The following SMARCA2 variants were observed in gnomAD, a reference collection of about 807,000 sequenced individuals.
The protein encoded by SMARCA2 is SWI/SNF-related matrix-associated actin-dependent regulator of chromatin subfamily A member 2.
SMARCA2 carries 61 observed loss-of-function variants against 199.8 expected under a neutral mutation model. The observed-to-expected ratio is 0.31, with a 90% CI of 0.25 to 0.38. The LOEUF (loss-of-function observed/expected upper bound fraction) is 0.38. SMARCA2 is among the 10% of genes least tolerant of loss of function. The pLI, the probability that SMARCA2 is intolerant of heterozygous loss-of-function variation, is 1.00. For missense variants in SMARCA2, 1,344 were observed against 2,012.2 expected, an observed-to-expected ratio of 0.67 and a Z score of 6.35; for synonymous variants, 935 against 732.0, an observed-to-expected ratio of 1.28 and a Z score of -4.48.
chr9:2,170,624 C>T lies in SMARCA2; in HGVS notation c.4253+152C>T. Reference sequence around the variant, plus strand: ...GGAGAGCGGGATAGAGGCACAGATACTCTTAAACAGCTGTCATGGCTTCTG... The same window carrying T: ...GGAGAGCGGGATAGAGGCACAGATATTCTTAAACAGCTGTCATGGCTTCTG... On this transcript the variant is annotated intron_variant, in intron 29 of 33. Coordinates refer to ENST00000349721, the MANE Select transcript of SMARCA2 (RefSeq NM_003070.5). This position sits in a 1 kb window ranked among gnomAD's most constrained non-coding sequence, Gnocchi z 4.7. The T allele has an allele frequency of 7.9e-7, 1 of 1,272,062 alleles. No individual in the cohort carries two copies. Among genetic ancestry groups the T allele is most frequent in the Non-Finnish European group, 1.1e-6 (1 of 916,686 alleles). 78.8% of individuals were successfully genotyped at this position (1,272,062 alleles called of 1,614,324 possible). A position where few individuals can be genotyped will look rare whatever the true frequency, so the allele number is the denominator to read the frequency against.
At chr9:2,040,036 G>C in intron 4 of SMARCA2, 136 bp downstream of exon 4, 2 of 1,462,674 alleles carry the variant, frequency 1.4e-6, no homozygotes, top group Non-Finnish European at 1.8e-6. Flanking sequence ...CTCTATCCTT[G>C]CTCCACTTAG....
At chr9:2,179,819 G>A (rs753196467) in intron 29 of SMARCA2, among the ~76,000 whole-genome samples, 8 of 152,138 alleles carry the variant, frequency 5.3e-5, no homozygotes, top group Admixed American at 1.3e-4. Context: ...TGTTAAATCC[G>A]CGATTACAAA....
At chr9:2,081,796 A>C (rs1368678019) in intron 14 of SMARCA2, 36 bp from the exon 15 acceptor site, 3 of 1,601,876 alleles carry the variant, frequency 1.9e-6, no homozygotes, top group Non-Finnish European at 2.6e-6. Context: ...ACCTGTGCAG[A>C]TCTTGGATAA....
chr9:2,028,074 T>C (rs1392384056), intron 1 of SMARCA2, among the ~76,000 whole-genome samples: 1 of 152,224 alleles, frequency 6.6e-6, no homozygotes, highest in Non-Finnish European at 1.5e-5. Flanking sequence ...GCTGAAATTG[T>C]AGAACCAGAA....
In SMARCA2 at chr9:2,117,125, T is replaced by C. The variant is rs368379101; in HGVS notation, c.3684+1076T>C. 7.1e-4 allele frequency among the ~76,000 whole-genome samples: 108 copies of C among 152,266 alleles called. 1 individual carries two copies. The highest frequency in any genetic ancestry group is 2.3e-3 in the African/African-American group (95 of 41,548). ...AGTGGAGTACTGAATGTGCATCCCT[T>C]CTGCACCATTATAAAGTCGAAAAAT... On this transcript the variant is annotated intron_variant, in intron 25 of 33. Coordinates refer to ENST00000349721, the MANE Select transcript of SMARCA2 (RefSeq NM_003070.5).
chr9:2,073,052 T>G (rs1586674575), intron 10 of SMARCA2, 160 bp from the exon 11 acceptor site: 1 of 732,150 alleles, frequency 1.4e-6, no homozygotes, highest in East Asian at 2.9e-5. Context: ...TAGTGGGAGG[T>G]AGCCTCTCAC....
chr9:2,156,414 CTTTTTTTTTTTTTTTTTTTT>C (rs57161267), intron 27 of SMARCA2, among the ~76,000 whole-genome samples: 1 of 69,148 alleles, frequency 1.4e-5, no homozygotes, highest in Non-Finnish European at 2.5e-5. Flanking sequence ...CCATTTTAGA[CTTTTTTTTTTTTTTTTTTTT>C]TTTTTTTTTT....
At chr9:2,186,295 TG>T (rs1287881489) in intron 32 of SMARCA2, 67 bp downstream of exon 32, 1 of 1,510,436 alleles carries the variant, frequency 6.6e-7, no homozygotes, top group African/African-American at 1.4e-5. Context: ...TCTCCACAGA[TG>T]TTCACAGAAG....
intron 5 of SMARCA2, 27 bp from the exon 6 acceptor site, chr9:2,054,570 T>C (rs755434310): frequency 1.9e-6 from 3 of 1,596,300 alleles, no homozygotes; most frequent in African/African-American, 1.3e-5. Flanking sequence ...CCCTGCCCCC[T>C]TTTCCCCATT....
chr9:2,178,132 T>A (rs919244305), intron 29 of SMARCA2, among the ~76,000 whole-genome samples: 3 of 152,148 alleles, frequency 2.0e-5, no homozygotes, highest in African/African-American at 4.8e-5. Flanking sequence ...GGTATGTGGC[T>A]CTTTTCCATC....
Position 2,077,664 on chromosome 9 carries a change from T to A in SMARCA2, c.2072T>A (p.Met691Lys), listed in dbSNP as rs759070815. 1 of 1,614,156 alleles carries A rather than the reference T, an allele frequency of 6.2e-7. No individual in the cohort carries two copies. Among genetic ancestry groups the A allele is most frequent in the African/African-American group, 1.3e-5 (1 of 75,048 alleles). ...CAAGACGTGGATGATGAATACAGCA[T>A]GCAGTACAGTGCCAGGGGCTCCCAG... is the stretch of plus-strand genomic sequence containing the variant. ...AKQDVDDEYS[M>K]QYSARGSQSY... Residue 691 changes from methionine to lysine, a missense_variant, in exon 14 of 34, where the codon ATG (methionine) becomes AAG (lysine). Met to Lys is a moderately conservative substitution (Grantham distance 95). Around this residue, in one of 18 missense-constraint regions of SMARCA2, gnomAD observed 106 missense variants for 179.7 expected, o/e 0.59. Transcript: ENST00000349721.
At chr9:2,098,764 C>T (rs1001024069) in intron 21 of SMARCA2, among the ~76,000 whole-genome samples, 13 of 151,942 alleles carry the variant, frequency 8.6e-5, no homozygotes, top group Admixed American at 4.6e-4. Flanking sequence ...GGTGAAACCC[C>T]GTCTAAAACT....
At chr9:2,182,687 G>C (rs1033773232) in intron 31 of SMARCA2, among the ~76,000 whole-genome samples, 5 of 151,962 alleles carry the variant, frequency 3.3e-5, no homozygotes, top group African/African-American at 1.2e-4. Context: ...TACAGATGGA[G>C]TTTCACCATG....
intron 12 of SMARCA2, among the ~76,000 whole-genome samples, chr9:2,073,897 G>A (rs1170986638): frequency 6.6e-6 from 1 of 152,206 alleles, no homozygotes; most frequent in Admixed American, 6.5e-5. Context: ...TAACTTGGGA[G>A]ATGGTGAAGT....
At chr9:2,074,206 C>T (rs1433698526) in intron 12 of SMARCA2, among the ~76,000 whole-genome samples, 1 of 151,816 alleles carries the variant, frequency 6.6e-6, no homozygotes, top group Non-Finnish European at 1.5e-5. Context: ...ATAACTAGAA[C>T]CTAAAATGGG....
chr9:2,087,142 C>CATT (rs1406865438), intron 18 of SMARCA2, 71 bp downstream of exon 18: 2 of 1,571,970 alleles, frequency 1.3e-6, no homozygotes, highest in Non-Finnish European at 1.7e-6. Context: ...AAGCTGAGAA[C>CATT]ATTAGAGCCA....
intron 27 of SMARCA2, among the ~76,000 whole-genome samples, chr9:2,150,931 C>T (rs540128247): frequency 2.0e-5 from 3 of 151,616 alleles, no homozygotes; most frequent in Admixed American, 2.0e-4. Context: ...GTCATATAGG[C>T]CTAGGGCCAT....
intron 9 of SMARCA2, among the ~76,000 whole-genome samples, chr9:2,065,182 CT>C (rs1198926322): frequency 1.3e-5 from 2 of 151,566 alleles, no homozygotes; most frequent in African/African-American, 4.8e-5. Flanking sequence ...GAGACTCTGT[CT>C]CAAAAAAAAA....
chr9:2,159,852 G>C, intron 27 of SMARCA2: 1 of 1,609,506 alleles, frequency 6.2e-7, no homozygotes, highest in Admixed American at 1.7e-5. Context: ...TTGCTGGCTT[G>C]TTAATTTTAT....
Sources: allele counts gnomAD v4.1 joint callset (sites outside exome capture counted in the v4.1 genomes callset), GRCh38; gene constraint gnomAD v4.1.1; regional missense constraint gnomAD v4.1.1; non-coding constraint Gnocchi (gnomAD v3.1); transcripts MANE v1.5; gene names NCBI Gene and HGNC (gene_info 2026-07-23, HGNC 2026-07-21).